Variants in CLVS1 observed in about 807,000 individuals in gnomAD.
The protein encoded by CLVS1 is clavesin-1.
A neutral mutation model predicts 33.1 loss-of-function variants in CLVS1; 10 were observed. The observed-to-expected ratio is 0.30, with a 90% confidence interval of 0.19 to 0.51. The LOEUF (loss-of-function observed/expected upper bound fraction) is 0.51. Among genes scored for constraint, CLVS1 ranks in the 20% least tolerant of loss-of-function variants. The probability of loss-of-function intolerance (pLI) is 0.97; values close to 1 mark genes in which losing one functional copy is unlikely to be tolerated. For missense variants in CLVS1, 343 were observed against 433.4 expected (o/e 0.79, Z 1.85); for synonymous variants, 163 against 166.1 (o/e 0.98, Z 0.14).
At chr8:61,282,688 A>G (rs1345527128) in intron 2 of CLVS1, among the ~76,000 whole-genome samples, 1 of 152,256 alleles carries the variant, frequency 6.6e-6, no homozygotes, top group Non-Finnish European at 1.5e-5. Context: ...AGTAATGCTT[A>G]TACATGGGGA....
At chr8:61,475,778 T>G (rs1280482105) in intron 5 of CLVS1, among the ~76,000 whole-genome samples, 1 of 152,230 alleles carries the variant, frequency 6.6e-6, no homozygotes, top group Admixed American at 6.5e-5. Flanking sequence ...TTTCTTTTGC[T>G]GTGCAGAAGC....
intron 1 of CLVS1, among the ~76,000 whole-genome samples, chr8:61,126,294 G>T (rs1315500686): frequency 6.6e-6 from 1 of 152,142 alleles, no homozygotes; most frequent in African/African-American, 2.4e-5. Flanking sequence ...ACAATTGTGG[G>T]TGCCACTGCA....
chr8:61,219,224 G>T (rs575414241), intron 2 of CLVS1, among the ~76,000 whole-genome samples: 3 of 151,806 alleles, frequency 2.0e-5, no homozygotes, highest in African/African-American at 7.2e-5. Context: ...AGAACATGCA[G>T]GTCTGTTACA....
At chr8:61,404,983 C>A (rs1049793480) in intron 3 of CLVS1, among the ~76,000 whole-genome samples, 1 of 152,152 alleles carries the variant, frequency 6.6e-6, no homozygotes, top group Non-Finnish European at 1.5e-5. Flanking sequence ...TGAGAGCTGG[C>A]CACCAGAACC....
chr8:61,000,373 G>A, the CLVS1 span, among the ~76,000 whole-genome samples: 1 of 152,162 alleles, frequency 6.6e-6, no homozygotes, highest in Non-Finnish European at 1.5e-5. Context: ...TGATTTAAGG[G>A]GTAAAAGTTG....
chr8:61,143,881 A>G (rs1806363390), intron 2 of CLVS1, among the ~76,000 whole-genome samples: 1 of 148,538 alleles, frequency 6.7e-6, no homozygotes, highest in African/African-American at 2.5e-5. Context: ...TCATATTAAA[A>G]TGAGAAATAT....
chr8:61,290,106 A>T (rs897732972), intron 1 of CLVS1, among the ~76,000 whole-genome samples: 1 of 152,216 alleles, frequency 6.6e-6, no homozygotes, highest in African/African-American at 2.4e-5. Context: ...AAGAGTGTAC[A>T]TATTGCCAAT....
chr8:61,158,144 CTATT>C (rs1806684505), intron 2 of CLVS1, among the ~76,000 whole-genome samples: 1 of 152,170 alleles, frequency 6.6e-6, no homozygotes, highest in African/African-American at 2.4e-5. Context: ...AAGGAACAAA[CTATT>C]GATGTAGGCA....
intron 2 of CLVS1, among the ~76,000 whole-genome samples, chr8:61,246,788 G>A (rs1808819863): frequency 6.6e-6 from 1 of 152,050 alleles, no homozygotes; most frequent in Non-Finnish European, 1.5e-5. Context: ...TAGCTTGGTA[G>A]TTATTTTCTT....
intron 1 of CLVS1, among the ~76,000 whole-genome samples, chr8:61,077,754 A>G (rs7007014): frequency 0.044 from 6,687 of 151,914 alleles, 500 homozygotes; most frequent in African/African-American, 0.15. Context: ...GGAGAAGAGA[A>G]AGAGAGGAAA....
intron 2 of CLVS1, among the ~76,000 whole-genome samples, chr8:61,136,828 C>T (rs530469170): frequency 5.7e-4 from 87 of 152,204 alleles, no homozygotes; most frequent in African/African-American, 1.4e-3. Flanking sequence ...ACATGTAGCC[C>T]GGAAGTTAAA....
intron 2 of CLVS1, among the ~76,000 whole-genome samples, chr8:61,143,726 G>T (rs1806356874): frequency 6.7e-6 from 1 of 148,274 alleles, no homozygotes; most frequent in Non-Finnish European, 1.5e-5. Context: ...CTTCTTTGCT[G>T]TGCTCTTATT....
intron 2 of CLVS1, among the ~76,000 whole-genome samples, chr8:61,363,938 T>C (rs2129600242): frequency 6.6e-6 from 1 of 152,268 alleles, no homozygotes. Context: ...AGAAAAATCC[T>C]AAGAACTCCC....
chr8:61,477,579 T>A (rs1345765615), intron 5 of CLVS1, among the ~76,000 whole-genome samples: 1 of 152,232 alleles, frequency 6.6e-6, no homozygotes, highest in East Asian at 1.9e-4. Flanking sequence ...TTCTAGTTTA[T>A]TTGCATAGAG....
intron 5 of CLVS1, among the ~76,000 whole-genome samples, chr8:61,497,815 A>T (rs1248336074): frequency 6.6e-6 from 1 of 152,182 alleles, no homozygotes; most frequent in African/African-American, 2.4e-5. Flanking sequence ...TTATTTCTTG[A>T]TTATATGCTA....
At chr8:60,992,957 G>T in the CLVS1 span, among the ~76,000 whole-genome samples, 1 of 152,214 alleles carries the variant, frequency 6.6e-6, no homozygotes, top group Non-Finnish European at 1.5e-5. Flanking sequence ...GGCCTGGATT[G>T]CCAGCAGGTC....
chr8:61,273,340 C>G (rs919615862), intron 2 of CLVS1, among the ~76,000 whole-genome samples: 1 of 152,198 alleles, frequency 6.6e-6, no homozygotes, highest in African/African-American at 2.4e-5. Flanking sequence ...AGGAGGCAGT[C>G]TGCCCGTTCT....
At chr8:61,232,036 T>G (rs540851748) in intron 2 of CLVS1, among the ~76,000 whole-genome samples, 775 of 64,552 alleles carry the variant, frequency 0.012, 63 homozygotes, top group African/African-American at 0.029. Context: ...TTTTTTTTTT[T>G]TTTTTTTTTT....
rs80294538 is a variant in CLVS1 at position 61,138,214 on chromosome 8, T to A, written c.-152+6354T>A. Among the ~76,000 whole-genome samples the A allele has an allele frequency of 8.2e-3, 1,252 of 152,200 alleles. 13 individuals carry two copies. The highest frequency in any genetic ancestry group is 0.028 in the African/African-American group (1,177 of 41,510). On this transcript the variant is annotated intron_variant, in intron 2 of 2. Coordinates refer to the CLVS1 transcript ENST00000522621. Reference sequence around the variant, plus strand: ...GAGTCTCAAAAGACAATTAAATAGGTGAAGAGGTCATGAGATGGCCTGTTA... The same window carrying A: ...GAGTCTCAAAAGACAATTAAATAGGAGAAGAGGTCATGAGATGGCCTGTTA...
Sources: allele counts gnomAD v4.1 joint callset (sites outside exome capture counted in the v4.1 genomes callset), GRCh38; gene constraint gnomAD v4.1.1; transcripts MANE v1.5; gene names NCBI Gene and HGNC (gene_info 2026-07-23, HGNC 2026-07-21).